PABPC4L: variants seen among roughly 807,000 people sequenced by gnomAD.
PABPC4L encodes the protein poly(A) binding protein cytoplasmic 4 like.
For synonymous variants in PABPC4L, 169 were observed against 164.1 expected, an observed-to-expected ratio of 1.03 and a Z score of -0.23; for missense variants, 452 against 451.4, an observed-to-expected ratio of 1.00 and a Z score of -0.01.
At chr4:134,169,298 T>G in the PABPC4L span, among the ~76,000 whole-genome samples, 1 of 151,930 alleles carries the variant, frequency 6.6e-6, no homozygotes, top group Admixed American at 6.6e-5. Context: ...AAGGAACAAA[T>G]CTCAAAAATC....
At chr4:134,034,008 G>A in the PABPC4L span, among the ~76,000 whole-genome samples, 34 of 151,870 alleles carry the variant, frequency 2.2e-4, no homozygotes, top group South Asian at 4.2e-4. Flanking sequence ...CTTTCATAGC[G>A]GGAGAGGAGA....
chr4:134,000,754 C>T, the PABPC4L span, among the ~76,000 whole-genome samples: 1 of 152,076 alleles, frequency 6.6e-6, no homozygotes, highest in Non-Finnish European at 1.5e-5. Context: ...GAGGACTCCA[C>T]CCCTCTCTGC....
chr4:134,049,393 T>C, the PABPC4L span, among the ~76,000 whole-genome samples: 2 of 152,150 alleles, frequency 1.3e-5, no homozygotes, highest in African/African-American at 4.8e-5. Context: ...TAAAGGTATT[T>C]TTTATTCTTA....
At chr4:134,054,906 T>C in the PABPC4L span, among the ~76,000 whole-genome samples, 8 of 152,172 alleles carry the variant, frequency 5.3e-5, no homozygotes, top group African/African-American at 1.7e-4. Flanking sequence ...AATTGCTGGA[T>C]TGTATGATAA....
At chr4:134,029,419 G>A in the PABPC4L span, among the ~76,000 whole-genome samples, 4 of 151,920 alleles carry the variant, frequency 2.6e-5, no homozygotes, top group Non-Finnish European at 4.4e-5. Context: ...AATTTAGGGT[G>A]AGCTAAGTAG....
the PABPC4L span, among the ~76,000 whole-genome samples, chr4:134,038,033 G>A: frequency 1.7e-4 from 26 of 152,070 alleles, no homozygotes; most frequent in Non-Finnish European, 5.9e-5. Context: ...TTAGTATGAA[G>A]GGCTGTTGAA....
chr4:134,165,380 T>C, the PABPC4L span, among the ~76,000 whole-genome samples: 1 of 152,122 alleles, frequency 6.6e-6, no homozygotes, highest in African/African-American at 2.4e-5. Context: ...TTGCAAACTA[T>C]GCATCCAACA....
chr4:133,994,775 A>G, the PABPC4L span, among the ~76,000 whole-genome samples: 1 of 152,088 alleles, frequency 6.6e-6, no homozygotes, highest in East Asian at 1.9e-4. Context: ...AGTAGCAACT[A>G]AACTATCTTT....
At chr4:134,065,546 A>G in the PABPC4L span, among the ~76,000 whole-genome samples, 1 of 152,062 alleles carries the variant, frequency 6.6e-6, no homozygotes, top group Non-Finnish European at 1.5e-5. Flanking sequence ...GTCTGCAAAT[A>G]CTTTCTTCCA....
the PABPC4L span, among the ~76,000 whole-genome samples, chr4:134,021,245 G>T: frequency 6.6e-6 from 1 of 152,220 alleles, no homozygotes; most frequent in East Asian, 1.9e-4. Context: ...CTGGGTAAAT[G>T]AAATAAACAA....
the PABPC4L span, among the ~76,000 whole-genome samples, chr4:134,132,026 A>G: frequency 6.6e-6 from 1 of 152,074 alleles, no homozygotes; most frequent in African/African-American, 2.4e-5. Context: ...GAAGAAAGAA[A>G]TTGTGTCCTA....
At chr4:134,090,033 C>T in the PABPC4L span, among the ~76,000 whole-genome samples, 3 of 151,966 alleles carry the variant, frequency 2.0e-5, no homozygotes, top group Non-Finnish European at 4.4e-5. Context: ...TTTGTTTTCC[C>T]AGAACTTGAT....
chr4:134,039,753 G>T, the PABPC4L span, among the ~76,000 whole-genome samples: 3 of 151,996 alleles, frequency 2.0e-5, no homozygotes, highest in African/African-American at 7.2e-5. Context: ...GCAGCACACC[G>T]ATGGGTCTTG....
Position 134,200,786 on chromosome 4 carries a change from G to A in PABPC4L, c.234C>T (p.Gly78=), listed in dbSNP as rs1470959136. 39 of 1,551,788 alleles carry A rather than the reference G, an allele frequency of 2.5e-5. No homozygotes were observed. Among genetic ancestry groups the A allele is most frequent in the Non-Finnish European group, 3.4e-5 (39 of 1,147,098 alleles). The change falls in exon 2 of 2, where the codon GGC becomes GGT. Residue 78 remains glycine, a synonymous_variant. Transcript: ENST00000421491. ...LDTMNFDIIK[G]KSIRLMWSQR... is the part of the protein sequence containing the mutation. ...GAGACCACATGAGACGGATGGATTTGCCTTTTATGATGTCAAAGTTCATTG... is the reference window on the plus strand; with the variant it reads ...GAGACCACATGAGACGGATGGATTTACCTTTTATGATGTCAAAGTTCATTG...
At chr4:134,083,895 G>T in the PABPC4L span, among the ~76,000 whole-genome samples, 1 of 152,032 alleles carries the variant, frequency 6.6e-6, no homozygotes, top group Non-Finnish European at 1.5e-5. Flanking sequence ...GATATTATAT[G>T]TAATATTTCC....
the PABPC4L span, among the ~76,000 whole-genome samples, chr4:134,153,946 A>C: frequency 6.6e-6 from 1 of 150,566 alleles, no homozygotes; most frequent in African/African-American, 2.4e-5. Context: ...ATAAATTAGG[A>C]GAGGATTTTA....
chr4:134,093,542 G>A, the PABPC4L span, among the ~76,000 whole-genome samples: 1 of 148,100 alleles, frequency 6.8e-6, no homozygotes, highest in Non-Finnish European at 1.5e-5. Flanking sequence ...TCAAAGACCA[G>A]GACCCTTTAT....
chr4:134,070,116 ATG>A, the PABPC4L span, among the ~76,000 whole-genome samples: 1 of 151,486 alleles, frequency 6.6e-6, no homozygotes, highest in Non-Finnish European at 1.5e-5. Context: ...CCCTCCAGGA[ATG>A]TGTGCTGTGT....
At chr4:133,995,401 G>A in the PABPC4L span, among the ~76,000 whole-genome samples, 1 of 152,142 alleles carries the variant, frequency 6.6e-6, no homozygotes, top group African/African-American at 2.4e-5. Context: ...ACATGCTCAT[G>A]TAAGTCCCCA....
Sources: gnomAD v4.1 joint callset for allele counts (sites outside exome capture counted in the v4.1 genomes callset) on GRCh38, gnomAD v4.1.1 for gene constraint, MANE v1.5 for transcripts, NCBI Gene and HGNC (gene_info 2026-07-23, HGNC 2026-07-21) for gene names.